The following NEK6 variants were observed in gnomAD, a reference collection of about 807,000 sequenced individuals.
NEK6 encodes NIMA related kinase 6, also known as serine/threonine-protein kinase Nek6.
NEK6 carries 27 observed loss-of-function variants against 43.5 expected under a neutral mutation model. That is an observed-to-expected ratio of 0.62 (90% CI 0.46 to 0.86). The LOEUF (loss-of-function observed/expected upper bound fraction) is 0.86. NEK6 is among the 40% of genes least tolerant of loss of function. NEK6 has a pLI of 0.00. For synonymous variants in NEK6, 167 were observed against 164.1 expected (o/e 1.02, Z -0.14); for missense variants, 318 against 414.4 (o/e 0.77, Z 2.02).
At chr9:124,349,044 C>G (rs1458604614) in intron 9 of NEK6, among the ~76,000 whole-genome samples, 1 of 152,234 alleles carries the variant, frequency 6.6e-6, no homozygotes, top group Non-Finnish European at 1.5e-5. Flanking sequence ...CAGGGCAGGT[C>G]CTGGGTGCTG....
At chr9:124,266,388 G>C (rs1026272503) in intron 1 of NEK6, among the ~76,000 whole-genome samples, 1 of 152,178 alleles carries the variant, frequency 6.6e-6, no homozygotes, top group Non-Finnish European at 1.5e-5. Context: ...GCATCAGCCT[G>C]AGTGCTGTGA....
chr9:124,283,703 G>A (rs181966577), intron 1 of NEK6, among the ~76,000 whole-genome samples: 10 of 152,292 alleles, frequency 6.6e-5, no homozygotes, highest in Non-Finnish European at 1.0e-4. Flanking sequence ...CCCACAACTC[G>A]CACAGGGCTT....
chr9:124,306,005 T>A (rs1833237360), intron 2 of NEK6, among the ~76,000 whole-genome samples: 1 of 152,040 alleles, frequency 6.6e-6, no homozygotes, highest in Admixed American at 6.5e-5. Flanking sequence ...GGTACTTGGG[T>A]TGGGTTCTAG....
intron 5 of NEK6, among the ~76,000 whole-genome samples, chr9:124,323,333 G>T (rs77752857): frequency 0.057 from 8,667 of 152,288 alleles, 318 homozygotes; most frequent in Non-Finnish European, 0.089. Context: ...AGCTGAGATG[G>T]AGACCACCGG....
At chr9:124,338,628 C>T (rs917621083) in intron 7 of NEK6, among the ~76,000 whole-genome samples, 2 of 152,216 alleles carry the variant, frequency 1.3e-5, no homozygotes, top group African/African-American at 4.8e-5. Context: ...TTTCGGCCAA[C>T]CCGAGTCTGG....
intron 1 of NEK6, among the ~76,000 whole-genome samples, chr9:124,268,290 T>A (rs1288876038): frequency 6.6e-6 from 1 of 152,166 alleles, no homozygotes; most frequent in Non-Finnish European, 1.5e-5. Flanking sequence ...AATTAAGTGG[T>A]TTATCTGGTC....
At chr9:124,280,896 G>A (rs1209987963) in intron 1 of NEK6, among the ~76,000 whole-genome samples, 2 of 152,074 alleles carry the variant, frequency 1.3e-5, no homozygotes, top group Non-Finnish European at 2.9e-5. Context: ...GGGCTCAAGG[G>A]ATCCTCCCAC....
chr9:124,342,613 C>T (rs547639300), intron 8 of NEK6, among the ~76,000 whole-genome samples: 135 of 152,364 alleles, frequency 8.9e-4, no homozygotes, highest in African/African-American at 3.1e-3. Flanking sequence ...GCACGAGGCT[C>T]CTGCAGCTTG....
intron 8 of NEK6, among the ~76,000 whole-genome samples, chr9:124,342,232 C>T (rs1260242508): frequency 6.6e-6 from 1 of 152,258 alleles, no homozygotes; most frequent in East Asian, 1.9e-4. Flanking sequence ...GGGCATCGTT[C>T]ACCCGGTGTC....
intron 3 of NEK6, 139 bp downstream of exon 3, chr9:124,312,788 G>C (rs1833603255): frequency 1.2e-6 from 1 of 849,176 alleles, no homozygotes; most frequent in Admixed American, 3.0e-5. Flanking sequence ...GTTACAGAGA[G>C]AACCAGGTGG....
chr9:124,330,546 G>C (rs1019928434), intron 7 of NEK6, among the ~76,000 whole-genome samples: 1 of 152,198 alleles, frequency 6.6e-6, no homozygotes, highest in Non-Finnish European at 1.5e-5. Context: ...GGCCCGTGCT[G>C]CCTCTTGGGG....
At chr9:124,258,821 T>G (rs1237586392) in intron 1 of NEK6, among the ~76,000 whole-genome samples, 1 of 152,236 alleles carries the variant, frequency 6.6e-6, no homozygotes, top group Non-Finnish European at 1.5e-5. Context: ...GCAGGGCCAC[T>G]GGCAGGACCC....
chr9:124,287,909 T>C (rs927095926), intron 1 of NEK6, among the ~76,000 whole-genome samples: 1 of 152,216 alleles, frequency 6.6e-6, no homozygotes, highest in Non-Finnish European at 1.5e-5. Context: ...ACAATCGTCA[T>C]GTAAATATAT....
chr9:124,333,269 C>T (rs1395721953), intron 7 of NEK6, among the ~76,000 whole-genome samples: 2 of 152,232 alleles, frequency 1.3e-5, no homozygotes, highest in Admixed American at 6.5e-5. Flanking sequence ...CCAGGCTTTA[C>T]GTGACTTATT....
At chr9:124,350,524 ACACACAC>A (rs1564669103) in intron 9 of NEK6, among the ~76,000 whole-genome samples, 9 of 150,908 alleles carry the variant, frequency 6.0e-5, no homozygotes, top group African/African-American at 2.0e-4. Context: ...ACACACACAC[ACACACAC>A]AATTTGCCCA....
intron 1 of NEK6, among the ~76,000 whole-genome samples, chr9:124,282,622 C>T (rs778917682): frequency 2.6e-5 from 4 of 152,148 alleles, no homozygotes; most frequent in African/African-American, 4.8e-5. Context: ...GCTGGGGCCA[C>T]AGGGGGTGGG....
In NEK6 at chr9:124,321,556, C is replaced by A; in HGVS notation, c.392C>A (p.Ser131Ter). 1 of 1,611,104 alleles carries A rather than the reference C, an allele frequency of 6.2e-7. No individual in the cohort carries two copies. Reference sequence around the variant, plus strand: ...GAGTTGGCTGACGCAGGGGACCTCTCGCAGATGATCAAGGTGAGCGCCTGG... The same window carrying A: ...GAGTTGGCTGACGCAGGGGACCTCTAGCAGATGATCAAGGTGAGCGCCTGG... ...VLELADAGDL[S>*]QMIKYFKKQK... The change falls in exon 5 of 10, where the codon TCG becomes TAG. Residue 131 changes from serine to a stop codon, truncating the protein, a stop_gained. Coordinates refer to ENST00000320246, the MANE Select transcript of NEK6 (RefSeq NM_014397.6). LOFTEE classifies it high-confidence loss of function.
In NEK6 at chr9:124,324,494, C is replaced by A. The variant is rs146005384; in HGVS notation, c.406-1836C>A. ...CCACCAGAGACTCTGCGCCTCCCCG[C>A]TAAATGTCAGACAGCGCTTATAGGA... On this transcript the variant is annotated intron_variant, in intron 5 of 9. Coordinates refer to ENST00000320246, the MANE Select transcript of NEK6 (RefSeq NM_014397.6). This position sits in a 1 kb window ranked among gnomAD's most constrained non-coding sequence, Gnocchi z 5.3. Among the ~76,000 whole-genome samples, 5 of 152,358 alleles carry A rather than the reference C, an allele frequency of 3.3e-5. No individual in the cohort carries two copies. Among genetic ancestry groups the A allele is most frequent in the African/African-American group, 1.2e-4 (5 of 41,578 alleles).
intron 7 of NEK6, 79 bp downstream of exon 7, chr9:124,327,524 C>A: frequency 8.9e-7 from 1 of 1,122,180 alleles, no homozygotes; most frequent in Non-Finnish European, 1.3e-6. Flanking sequence ...ATTCTCCCCA[C>A]GTGTGTTTGG....
Sources: allele counts gnomAD v4.1 joint callset (sites outside exome capture counted in the v4.1 genomes callset), GRCh38; gene constraint gnomAD v4.1.1; non-coding constraint Gnocchi (gnomAD v3.1); transcripts MANE v1.5; gene names NCBI Gene and HGNC (gene_info 2026-07-23, HGNC 2026-07-21).